Variants in BMP2K observed in about 807,000 individuals in gnomAD.
The protein encoded by BMP2K is BMP-2-inducible protein kinase.
Under a neutral mutation model 116.0 loss-of-function variants are expected in BMP2K, and 74 were observed. The ratio of observed to expected loss-of-function variants is 0.64; its 90% CI spans 0.53 to 0.77. The LOEUF (loss-of-function observed/expected upper bound fraction) is 0.77, where lower values mean the gene tolerates loss of function less well. BMP2K is among the 30% of genes least tolerant of loss of function. BMP2K has a pLI of 0.00. For synonymous variants in BMP2K, 486 were observed against 502.5 expected, an observed-to-expected ratio of 0.97 and a Z score of 0.44; for missense variants, 1,365 against 1,403.6, an observed-to-expected ratio of 0.97 and a Z score of 0.44.
intron 8 of BMP2K, 102 bp from the exon 9 acceptor site, chr4:78,861,287 C>T (rs1057275487): frequency 1.2e-6 from 1 of 836,732 alleles, no homozygotes. Flanking sequence ...AATAGTGTCT[C>T]ATAGTACTTT....
intron 2 of BMP2K, among the ~76,000 whole-genome samples, chr4:78,829,787 T>TCTCTTCTCTTCTCTTCTCTTCTC (rs1730089748): frequency 3.5e-5 from 3 of 86,650 alleles, no homozygotes; most frequent in African/African-American, 8.4e-5. Context: ...TTTCTTTTCT[T>TCTCTTCTCTTCTCTTCTCTTCTC]TTCTCTTCTC....
At chr4:78,804,132 A>C (rs998053498) in intron 1 of BMP2K, among the ~76,000 whole-genome samples, 1 of 151,708 alleles carries the variant, frequency 6.6e-6, no homozygotes, top group African/African-American at 2.4e-5. Flanking sequence ...CTCCCTCCCC[A>C]CCCCAAACTC....
chr4:78,912,183 A>C lies in BMP2K; in HGVS notation c.*150A>C. The C allele has an allele frequency of 2.7e-6, 2 of 727,826 alleles. No individual in the cohort carries two copies. 45.1% of individuals were successfully genotyped at this position (727,826 alleles called of 1,614,324 possible). On this transcript the variant is annotated 3_prime_UTR_variant, in exon 16 of 16. Coordinates refer to ENST00000502613, the MANE Select transcript of BMP2K (RefSeq NM_198892.2). ...ATTTCTAAATAAACCAAATAGAAGA[A>C]TGAAGTATCTCTACAGGGTAGTAAC...
intron 14 of BMP2K, among the ~76,000 whole-genome samples, chr4:78,883,866 A>G (rs369787125): frequency 2.0e-5 from 3 of 152,152 alleles, no homozygotes; most frequent in East Asian, 3.8e-4. Context: ...GTTCGAGACT[A>G]GCCTGAGCAA....
intron 1 of BMP2K, among the ~76,000 whole-genome samples, chr4:78,804,263 A>T (rs1728710467): frequency 6.6e-6 from 1 of 152,154 alleles, no homozygotes; most frequent in African/African-American, 2.4e-5. Flanking sequence ...GCATGTTTTA[A>T]GTTTCATTCA....
chr4:78,832,957 A>G (rs1483567006), intron 2 of BMP2K, among the ~76,000 whole-genome samples: 13 of 152,030 alleles, frequency 8.6e-5, no homozygotes, highest in Non-Finnish European at 1.5e-5. Context: ...ATTTCCCAGT[A>G]GAACAGAGTA....
At chr4:78,814,597 C>T (rs996894306) in intron 1 of BMP2K, among the ~76,000 whole-genome samples, 2 of 152,006 alleles carry the variant, frequency 1.3e-5, no homozygotes, top group Admixed American at 6.6e-5. Context: ...CTTGCTGCTG[C>T]CATGTGAAGA....
chr4:78,851,182 A>G (rs1560528874), intron 7 of BMP2K, 126 bp downstream of exon 7: 1 of 974,252 alleles, frequency 1.0e-6, no homozygotes, highest in South Asian at 2.3e-5. Flanking sequence ...TATAGTAAAG[A>G]AAAAAACATT....
In BMP2K at chr4:78,912,802, G is replaced by T. The variant is rs1734725167; in HGVS notation, c.*769G>T. ...TGGACTATCGTCGCACAGAAGCCTA[G>T]AACAAAAATATGAAGAGAAATATCT... On this transcript the variant is annotated 3_prime_UTR_variant, in exon 16 of 16. Coordinates refer to ENST00000502613, the MANE Select transcript of BMP2K (RefSeq NM_198892.2). 2 of 151,910 alleles carry T rather than the reference G, an allele frequency of 1.3e-5. No individual in the cohort carries two copies. Among genetic ancestry groups the T allele is most frequent in the South Asian group, 4.2e-4 (2 of 4,816 alleles). The allele number at this position is 151,910 out of a possible 1,614,324, so 9.4% of individuals were successfully genotyped here.
At position 78,872,067 on chromosome 4, in the gene BMP2K, A is replaced by G. The variant is rs1326433072; in HGVS notation, c.1608+119A>G. Reference sequence around the variant, plus strand: ...AAATCAAGTAAGTTAATTGACATGTATTTTATCAAAGCCAGTCATATATTC... The same window carrying G: ...AAATCAAGTAAGTTAATTGACATGTGTTTTATCAAAGCCAGTCATATATTC... On this transcript the variant is annotated intron_variant, in intron 12 of 15. Transcript: ENST00000502613. 1.2e-5 allele frequency: 9 copies of G among 750,116 alleles called. No individual in the cohort carries two copies. In the East Asian group the frequency reaches 2.0e-4, roughly 17 times the overall value. The allele number at this position is 750,116 out of a possible 1,614,324, so 46.5% of individuals were successfully genotyped here. A position where few individuals can be genotyped will look rare whatever the true frequency, so the allele number is the denominator to read the frequency against.
At chr4:78,859,224 G>T in intron 7 of BMP2K, 1 of 162,090 alleles carries the variant, frequency 6.2e-6, no homozygotes, top group East Asian at 1.7e-4. Flanking sequence ...TAATTATTTT[G>T]AATAGAATTA....
chr4:78,897,652 A>G (rs1421041694), intron 15 of BMP2K, among the ~76,000 whole-genome samples: 3 of 152,078 alleles, frequency 2.0e-5, no homozygotes, highest in Non-Finnish European at 4.4e-5. Context: ...TTTTCATAGC[A>G]TTTTTTATAG....
chr4:78,842,622 G>T, intron 4 of BMP2K, 95 bp downstream of exon 4: 1 of 1,205,258 alleles, frequency 8.3e-7, no homozygotes, highest in Non-Finnish European at 1.1e-6. Flanking sequence ...AACTGGCTTT[G>T]AGGTTGGTCT....
intron 1 of BMP2K, among the ~76,000 whole-genome samples, chr4:78,802,318 T>C (rs1728604019): frequency 6.6e-6 from 1 of 152,206 alleles, no homozygotes; most frequent in Non-Finnish European, 1.5e-5. Context: ...TTCTTGTTTT[T>C]GTCTCGAAAG....
chr4:78,795,696 AAAAC>A (rs1360089704), intron 1 of BMP2K, among the ~76,000 whole-genome samples: 15 of 152,268 alleles, frequency 9.9e-5, no homozygotes, highest in Middle Eastern at 3.4e-3. Context: ...TTCCAAGAAA[AAAAC>A]AAACAACCCC....
At chr4:78,810,334 G>C (rs186137263) in intron 1 of BMP2K, among the ~76,000 whole-genome samples, 17 of 152,290 alleles carry the variant, frequency 1.1e-4, no homozygotes, top group African/African-American at 3.9e-4. Context: ...ATACATGTGT[G>C]TGGCCTCTAG....
intron 15 of BMP2K, among the ~76,000 whole-genome samples, chr4:78,891,657 C>A (rs1577965206): frequency 6.6e-6 from 1 of 152,130 alleles, no homozygotes; most frequent in African/African-American, 2.4e-5. Flanking sequence ...TTATTGGATG[C>A]AGTATATTTT....
Position 78,842,480 on chromosome 4 carries a change from G to C in BMP2K, c.499G>C (p.Ala167Pro). 6.2e-7 allele frequency: 1 copy of C among 1,607,944 alleles called. No individual in the cohort carries two copies. The highest frequency in any genetic ancestry group is 2.2e-5 in the East Asian group (1 of 44,810). ...ATTCTGTGATACCTGTGAAGCTGTT[G>C]CAAGGTTGCATCAGTGTAAGACTCC... Reference protein sequence around the residue: ...QIFCDTCEAVARLHQCKTPII... With the variant: ...QIFCDTCEAVPRLHQCKTPII... The change falls in exon 4 of 16, where the codon GCA becomes CCA. Residue 167 changes from alanine (A) to proline (P), a missense_variant. This residue lies in a region of BMP2K where 762 missense variants were observed against 756.7 expected (regional missense o/e 1.01). Transcript: ENST00000502613.
At chr4:78,884,378 C>G (rs180679956) in intron 14 of BMP2K, among the ~76,000 whole-genome samples, 95 of 152,114 alleles carry the variant, frequency 6.2e-4, no homozygotes, top group African/African-American at 2.1e-3. Flanking sequence ...ATTGCAGATT[C>G]CTAAGTTACT....
Sources: gnomAD v4.1 joint callset for allele counts (sites outside exome capture counted in the v4.1 genomes callset) on GRCh38, gnomAD v4.1.1 for gene constraint, gnomAD v4.1.1 regional missense constraint, MANE v1.5 for transcripts, NCBI Gene and HGNC (gene_info 2026-07-23, HGNC 2026-07-21) for gene names.